The following RNF213 variants were observed in gnomAD, a reference collection of about 807,000 sequenced individuals.
The protein encoded by RNF213 is ring finger protein 213.
In RNF213, 341 loss-of-function variants were observed where a neutral mutation model predicts 514.4. The ratio of observed to expected loss-of-function variants is 0.66; its 90% CI spans 0.61 to 0.73. The LOEUF is 0.73. RNF213 is among the 30% of genes least tolerant of loss of function. RNF213 has a pLI of 0.00. For synonymous variants in RNF213, 2,655 were observed against 2,658.2 expected (o/e 1.00, Z 0.04); for missense variants, 5,767 against 6,615.6 (o/e 0.87, Z 4.45).
In RNF213 at chr17:80,332,504, G is replaced by C; in HGVS notation, c.4016G>C (p.Arg1339Pro). 3 of 1,537,104 alleles carry C rather than the reference G, an allele frequency of 2.0e-6. No individual in the cohort carries two copies. Among genetic ancestry groups the C allele is most frequent in the East Asian group, 2.4e-5 (1 of 40,920 alleles). ...GACCAAAGAGATTGGATCAAGGACC[G>C]AGTCGAACAGATCAAGGAATACCAT... The part of the protein sequence containing the change: ...HQDQRDWIKD[R>P]VEQIKEYHHL... The change falls in exon 21 of 68, where the codon CGA becomes CCA. Residue 1339 changes from arginine to proline, a missense_variant. Physicochemically the swap from Arg to Pro is moderately radical, Grantham distance 103. This residue lies in a region of RNF213 where 516 missense variants were observed against 566.5 expected (regional missense o/e 0.91). Coordinates refer to ENST00000582970, the MANE Select transcript of RNF213 (RefSeq NM_001256071.3).
chr17:80,298,473 T>C lies in RNF213; in HGVS notation c.2165T>C (p.Leu722Pro). Residue 722 changes from leucine to proline, a missense_variant, in exon 11 of 68, where the codon CTG becomes CCG. Transcript: ENST00000582970. The part of the protein sequence containing the change: ...WRQPEDTWAA[L>P]EGLSFSPFRE... ...CAGCCTGAGGACACCTGGGCCGCTC[T>C]GGAGGGACTCTCCTTCTCACCGTTC... 1 of 1,614,202 alleles carries C rather than the reference T, an allele frequency of 6.2e-7. No homozygotes were observed. Among genetic ancestry groups the C allele is most frequent in the Non-Finnish European group, 8.5e-7 (1 of 1,180,042 alleles).
intron 61 of RNF213, 74 bp downstream of exon 61, chr17:80,385,695 C>T (rs932555310): frequency 3.9e-6 from 5 of 1,273,268 alleles, no homozygotes; most frequent in Non-Finnish European, 5.7e-6. Flanking sequence ...GTCAGCCTGA[C>T]TCGGCCCATC....
At chr17:80,335,523 G>A (rs2077963593) in intron 22 of RNF213, among the ~76,000 whole-genome samples, 1 of 152,198 alleles carries the variant, frequency 6.6e-6, no homozygotes, top group African/African-American at 2.4e-5. Flanking sequence ...GTGTTTCATA[G>A]TTAATTGTGA....
chr17:80,366,128 TGGG>T (rs142074388), intron 42 of RNF213, among the ~76,000 whole-genome samples: 1 of 152,146 alleles, frequency 6.6e-6, no homozygotes, highest in Non-Finnish European at 1.5e-5. Context: ...ACAAGAGGCT[TGGG>T]GGAAAGCCCT....
chr17:80,304,404 G>C (rs909123629), intron 11 of RNF213, among the ~76,000 whole-genome samples: 10 of 152,088 alleles, frequency 6.6e-5, no homozygotes, highest in Non-Finnish European at 1.2e-4. Context: ...ACTTTGGGAG[G>C]CCAAGGCAGG....
At chr17:80,354,699 C>T in intron 36 of RNF213, 123 bp downstream of exon 36, 1 of 1,253,074 alleles carries the variant, frequency 8.0e-7, no homozygotes, top group Non-Finnish European at 1.1e-6. Flanking sequence ...AACCTCTCAG[C>T]CATTCAAAGC....
At chr17:80,286,638 T>A (rs951236061) in intron 3 of RNF213, among the ~76,000 whole-genome samples, 1 of 152,110 alleles carries the variant, frequency 6.6e-6, no homozygotes, top group African/African-American at 2.4e-5. Context: ...GCCCCTGGGC[T>A]GCACCTCAGT....
intron 20 of RNF213, among the ~76,000 whole-genome samples, chr17:80,330,368 C>T (rs566136627): frequency 7.9e-5 from 12 of 152,196 alleles, no homozygotes; most frequent in Admixed American, 1.3e-4. Context: ...TGGCCCTCTG[C>T]GGGGTGCTGC....
chr17:80,360,861 G>C (rs182206172), intron 38 of RNF213, among the ~76,000 whole-genome samples: 2 of 152,238 alleles, frequency 1.3e-5, no homozygotes, highest in East Asian at 3.9e-4. Flanking sequence ...TCTTTTCTAG[G>C]TTACCATTCT....
At chr17:80,282,001 C>T (rs377269964) in intron 3 of RNF213, among the ~76,000 whole-genome samples, 18 of 152,068 alleles carry the variant, frequency 1.2e-4, no homozygotes, top group Middle Eastern at 3.4e-3. Flanking sequence ...GGACTATAGG[C>T]GCCTGCCACC....
Position 80,377,878 on chromosome 17 carries a change from TGAGGCTCTCGGCCTTCCAGGAGAGC to T in RNF213, c.13545+83_13545+107del, listed in dbSNP as rs1599181114. The T allele has an allele frequency of 3.3e-6, 5 of 1,506,354 alleles. No individual in the cohort carries two copies. The East Asian group carries it at 9.0e-5, about 27-fold the overall frequency. 93.3% of individuals were successfully genotyped at this position (1,506,354 alleles called of 1,614,324 possible). A position where few individuals can be genotyped will look rare whatever the true frequency, so the allele number is the denominator to read the frequency against. On this transcript the variant is annotated intron_variant, in intron 54 of 67. Coordinates refer to ENST00000582970, the MANE Select transcript of RNF213 (RefSeq NM_001256071.3). This position sits in a 1 kb window ranked among gnomAD's most constrained non-coding sequence, Gnocchi z 4.1. ...GGAGGGGGATCGTGGGTCAGGAGAG[TGAGGCTCTCGGCCTTCCAGGAGAGC>T]ACAGGCTCACCGAGGACTGCCCAGG...
In RNF213 at chr17:80,340,239, G is replaced by A; in HGVS notation, c.5872G>A (p.Ala1958Thr). 1.2e-6 allele frequency: 2 copies of A among 1,614,088 alleles called. No homozygotes were observed. The highest frequency in any genetic ancestry group is 2.2e-5 in the East Asian group (1 of 44,868). ...VFVTPQAPLE[A>T]IQAYLAGHYR... ...CGTCACCCCCCAGGCACCCCTCGAG[G>A]CCATCCAAGCCTACCTGGCAGGTCA... Residue 1958 changes from alanine to threonine, a missense_variant, in exon 26 of 68, where the codon GCC becomes ACC. Ala to Thr is a moderately conservative substitution (Grantham distance 58). Coordinates refer to ENST00000582970, the MANE Select transcript of RNF213 (RefSeq NM_001256071.3).
At chr17:80,287,668 C>T in intron 3 of RNF213, 147 bp from the exon 4 acceptor site, 1 of 763,876 alleles carries the variant, frequency 1.3e-6, no homozygotes, top group South Asian at 1.6e-5. Context: ...TCATTCTTTC[C>T]AGGAAATTGC....
intron 11 of RNF213, 63 bp downstream of exon 11, chr17:80,298,581 C>A: frequency 6.4e-7 from 1 of 1,571,044 alleles, no homozygotes; most frequent in Non-Finnish European, 8.7e-7. Context: ...CATTGTGCAC[C>A]CGGAGTCCCG....
intron 3 of RNF213, among the ~76,000 whole-genome samples, chr17:80,284,842 T>C (rs1445000219): frequency 1.3e-5 from 2 of 152,218 alleles, no homozygotes; most frequent in African/African-American, 4.8e-5. Flanking sequence ...GATTGATTCC[T>C]CTGGAGAGAG....
intron 2 of RNF213, among the ~76,000 whole-genome samples, chr17:80,267,819 C>A (rs1417768001): frequency 1.2e-5 from 1 of 83,032 alleles, no homozygotes; most frequent in Non-Finnish European, 2.2e-5. Context: ...AGCAGATTTT[C>A]TTTTCTTTTT....
intron 11 of RNF213, among the ~76,000 whole-genome samples, chr17:80,303,624 C>T (rs1474554035): frequency 1.4e-5 from 2 of 147,246 alleles, no homozygotes; most frequent in East Asian, 2.0e-4. Context: ...AGTACAGTGG[C>T]GCGATCTCTG....
chr17:80,278,285 A>G (rs931367063), intron 3 of RNF213, among the ~76,000 whole-genome samples: 1 of 152,168 alleles, frequency 6.6e-6, no homozygotes, highest in African/African-American at 2.4e-5. Flanking sequence ...CATGCCCGCT[A>G]CAGGGCCAGA....
rs761294158 is a variant in RNF213, at chr17:80,345,216, T to G, written c.6881T>G (p.Leu2294Arg). The G allele has an allele frequency of 6.8e-6, 11 of 1,614,072 alleles. 1 individual carries two copies. The South Asian group carries it at 1.2e-4, about 18-fold the overall frequency. ...GAAGAAGATCTAGCGCCCTTCTCCC[T>G]CCGGAAGAGGTGGGAGTCGGAGCCT... ...VREEDLAPFS[L>R]RKRWESEPHP... Residue 2294 changes from leucine (L) to arginine (R), a missense_variant, in exon 29 of 68, where the codon CTC (leucine) becomes CGC (arginine). Physicochemically the swap from Leu to Arg is moderately radical, Grantham distance 102 (BLOSUM62 -2). Transcript: ENST00000582970. This position sits in a 1 kb window ranked among gnomAD's most constrained non-coding sequence, Gnocchi z 6.0.
Sources: allele counts gnomAD v4.1 joint callset (sites outside exome capture counted in the v4.1 genomes callset), GRCh38; gene constraint gnomAD v4.1.1; regional missense constraint gnomAD v4.1.1; non-coding constraint Gnocchi (gnomAD v3.1); transcripts MANE v1.5; gene names NCBI Gene and HGNC (gene_info 2026-07-23, HGNC 2026-07-21).